The following AMHR2 variants were observed in gnomAD, a reference collection of about 807,000 sequenced individuals.
AMHR2 encodes anti-Muellerian hormone type-2 receptor.
Under a neutral mutation model 61.4 loss-of-function variants are expected in AMHR2, and 36 were observed. That is an observed-to-expected ratio of 0.59 (90% CI 0.45 to 0.77). The LOEUF (loss-of-function observed/expected upper bound fraction) is 0.77, where lower values mean the gene tolerates loss of function less well. Among genes scored for constraint, AMHR2 ranks in the 30% least tolerant of loss-of-function variants. The probability of loss-of-function intolerance (pLI) is 0.00; values close to 1 mark genes in which losing one functional copy is unlikely to be tolerated. For missense variants in AMHR2, 638 were observed against 714.6 expected (o/e 0.89, Z 1.22); for synonymous variants, 258 against 279.4 (o/e 0.92, Z 0.76).
Position 53,424,467 on chromosome 12 carries a change from C to A in AMHR2, c.229C>A (p.Gln77Lys). The A allele has an allele frequency of 6.2e-7, 1 of 1,612,496 alleles. No individual in the cohort carries two copies. The highest frequency in any genetic ancestry group is 8.5e-7 in the Non-Finnish European group (1 of 1,179,362). The change falls in exon 2 of 11, where the codon CAA becomes AAA. Residue 77 changes from glutamine (Q) to lysine (K), a missense_variant. By Grantham distance (53) the Gln-to-Lys change is moderately conservative (BLOSUM62 1). Coordinates refer to ENST00000257863, the MANE Select transcript of AMHR2 (RefSeq NM_020547.3). The part of the protein sequence containing the change: ...LTQDRAQVEM[Q>K]GCRDSDEPGC... ...CCAAGACCGGGCACAGGTGGAAATG[C>A]AAGGTGAATGGCAAAGTATATGGCA...
rs1939280178 is a variant in AMHR2, at chr12:53,423,900, C to A, written c.-35C>A. 6.2e-7 allele frequency: 1 copy of A among 1,613,262 alleles called. No homozygotes were observed. The highest frequency in any genetic ancestry group is 2.2e-5 in the East Asian group (1 of 44,872). On this transcript the variant is annotated 5_prime_UTR_variant, in exon 1 of 11. Transcript: ENST00000257863. ...CCAGGGGCAGCTGTGCTGGCTTATG[C>A]TCTTCTCCTTCTGCTGCTGCCATCC...
intron 6 of AMHR2, among the ~76,000 whole-genome samples, chr12:53,428,247 G>A (rs1035631046): frequency 2.4e-4 from 36 of 152,238 alleles, no homozygotes; most frequent in Admixed American, 2.0e-3. Flanking sequence ...AACACAGTTC[G>A]TGGCCACCGA....
At position 53,425,500 on chromosome 12, in the gene AMHR2, C is replaced by T; in HGVS notation, c.548C>T (p.Pro183Leu). Residue 183 changes from proline (P) to leucine (L), a missense_variant, in exon 5 of 11, where the codon CCA becomes CTA. Coordinates refer to ENST00000257863, the MANE Select transcript of AMHR2 (RefSeq NM_020547.3). Reference sequence around the variant, plus strand: ...TACAGAGTGCGAGGTGAGCCAGTGCCAGAGCCAAGGCCAGACTCAGGCAGG... The same window carrying T: ...TACAGAGTGCGAGGTGAGCCAGTGCTAGAGCCAAGGCCAGACTCAGGCAGG... Reference protein sequence around the residue: ...KNYRVRGEPVPEPRPDSGRDW... With the variant: ...KNYRVRGEPVLEPRPDSGRDW... 1 of 1,614,072 alleles carries T rather than the reference C, an allele frequency of 6.2e-7. No homozygotes were observed. The highest frequency in any genetic ancestry group is 8.5e-7 in the Non-Finnish European group (1 of 1,180,032).
chr12:53,429,047 A>G lies in AMHR2; in HGVS notation c.967+37A>G, dbSNP rs369180782. The G allele has an allele frequency of 5.7e-5, 86 of 1,496,110 alleles. No individual in the cohort carries two copies. The Middle Eastern group carries it at 2.3e-3, about 41-fold the overall frequency. 92.7% of individuals were successfully genotyped at this position (1,496,110 alleles called of 1,614,324 possible). A position where few individuals can be genotyped will look rare whatever the true frequency, so the allele number is the denominator to read the frequency against. On this transcript the variant is annotated intron_variant, in intron 7 of 10. Transcript: ENST00000257863. Reference sequence around the variant, plus strand: ...GGGCATAGGAAGTCAAGGGAGCCACAGTGCTATGTTTGTGATTCTGCCTTA... The same window carrying G: ...GGGCATAGGAAGTCAAGGGAGCCACGGTGCTATGTTTGTGATTCTGCCTTA...
In AMHR2 at chr12:53,425,868, T is replaced by C. The variant is rs2136949915; in HGVS notation, c.801T>C (p.Gly267=). ...GATTTATCACTGCCAGCCGGGGGGG[T>C]CCTGGCCGCCTGCTCTCTGGGCCCC... The part of the protein sequence containing the change: ...IVRFITASRG[G]PGRLLSGPLL... Residue 267 remains glycine, a synonymous_variant, in exon 6 of 11, where the codon GGT becomes GGC. Transcript: ENST00000257863. 6.2e-7 allele frequency: 1 copy of C among 1,613,044 alleles called. No homozygotes were observed. Among genetic ancestry groups the C allele is most frequent in the Non-Finnish European group, 8.5e-7 (1 of 1,179,778 alleles).
chr12:53,424,036 G>T (rs1939296969), intron 1 of AMHR2, 53 bp downstream of exon 1: 1 of 1,605,792 alleles, frequency 6.2e-7, no homozygotes, highest in African/African-American at 1.3e-5. Flanking sequence ...GCAAGGGAAA[G>T]GGGCGCTTGA....
chr12:53,429,253 G>A (rs1939891919), intron 7 of AMHR2, among the ~76,000 whole-genome samples, 200 bp from the exon 8 acceptor site: 2 of 152,060 alleles, frequency 1.3e-5, no homozygotes, highest in Non-Finnish European at 2.9e-5. Flanking sequence ...TTAGCCGGGC[G>A]TGGTGGCATG....
chr12:53,425,459 G>C lies in AMHR2; in HGVS notation c.507G>C (p.Leu169=), dbSNP rs35355410. The C allele has an allele frequency of 3.6e-4, 581 of 1,613,862 alleles. No individual in the cohort carries two copies. Among genetic ancestry groups the C allele is most frequent in the Non-Finnish European group, 4.7e-4 (554 of 1,180,020 alleles). Reference sequence around the variant, plus strand: ...TAAGGCTCTTGTCTGTTCCAGCCCTGCTACAGCGAAAGAACTACAGAGTGC... The same window carrying C: ...TAAGGCTCTTGTCTGTTCCAGCCCTCCTACAGCGAAAGAACTACAGAGTGC... ...LLLLGSIILA[L]LQRKNYRVRG... is the part of the protein sequence containing the mutation. The change falls in exon 5 of 11, where the codon CTG becomes CTC. Residue 169 remains leucine, a synonymous_variant. Transcript: ENST00000257863.
chr12:53,425,892 C>T lies in AMHR2; in HGVS notation c.825C>T (p.Pro275=), dbSNP rs761223361. ...RGGPGRLLSG[P]LLVLELHPKG... ...GTCCTGGCCGCCTGCTCTCTGGGCC[C>T]CTGCTGGTACTGGAACTGCATCCCA... is the stretch of plus-strand genomic sequence containing the variant. The change falls in exon 6 of 11, where the codon CCC becomes CCT. Residue 275 remains proline, a synonymous_variant. Coordinates refer to ENST00000257863, the MANE Select transcript of AMHR2 (RefSeq NM_020547.3). The T allele has an allele frequency of 3.5e-5, 56 of 1,613,874 alleles. No homozygotes were observed. The highest frequency in any genetic ancestry group is 4.4e-5 in the Non-Finnish European group (52 of 1,180,014).
chr12:53,429,391 CAA>C (rs56681678), intron 7 of AMHR2, 60 bp from the exon 8 acceptor site: 2,488 of 1,328,052 alleles, frequency 1.9e-3, no homozygotes, highest in Admixed American at 2.2e-3. Flanking sequence ...GACGCCGACT[CAA>C]AAAAAAAAAA....
Position 53,429,467 on chromosome 12 carries a change from G to T in AMHR2, c.982G>T (p.Gly328Cys). The change falls in exon 8 of 11, where the codon GGT (glycine) becomes TGT (cysteine). Residue 328 changes from glycine (G) to cysteine (C), a missense_variant. Gly to Cys is a radical substitution (Grantham distance 159, BLOSUM62 -3). Coordinates refer to ENST00000257863, the MANE Select transcript of AMHR2 (RefSeq NM_020547.3). ...ERWQNGQYKP[G>C]IAHRDLSSQN... is the part of the protein sequence containing the mutation. ...TTCCCCCACAGGCCAATATAAACCAGGTATTGCCCACCGAGATCTGAGCAG... is the reference window on the plus strand; with the variant it reads ...TTCCCCCACAGGCCAATATAAACCATGTATTGCCCACCGAGATCTGAGCAG... 6.3e-7 allele frequency: 1 copy of T among 1,598,620 alleles called. No homozygotes were observed. Among genetic ancestry groups the T allele is most frequent in the Non-Finnish European group, 8.5e-7 (1 of 1,173,856 alleles).
chr12:53,428,992 G>A lies in AMHR2; in HGVS notation c.949G>A (p.Glu317Lys), dbSNP rs963957172. 4.5e-6 allele frequency: 7 copies of A among 1,551,228 alleles called. No homozygotes were observed. In the African/African-American group the frequency reaches 9.6e-5, roughly 21 times the overall value. ...SLAQGLAFLH[E>K]ERWQNGQYKP... is the part of the protein sequence containing the mutation. ...GGCCCAGGGCCTGGCATTTCTCCAT[G>A]AGGAGCGCTGGCAGAATGGTGGGTG... is the stretch of plus-strand genomic sequence containing the variant. Residue 317 changes from glutamate (E) to lysine (K), a missense_variant, in exon 7 of 11, where the codon GAG (glutamate) becomes AAG (lysine). Coordinates refer to ENST00000257863, the MANE Select transcript of AMHR2 (RefSeq NM_020547.3).
rs1381777011 is a variant in AMHR2, at chr12:53,428,906, G to A, written c.863G>A (p.Cys288Tyr). The change falls in exon 7 of 11, where the codon TGC (cysteine) becomes TAC (tyrosine). Residue 288 changes from cysteine to tyrosine, a missense_variant. By Grantham distance (194) the Cys-to-Tyr change is radical. Transcript: ENST00000257863. ...VLELHPKGSL[C>Y]HYLTQYTSDW... ...TCTGCGTTTCCCCAGGGCTCCCTGTGCCACTACTTGACCCAGTACACCAGT... is the reference window on the plus strand; with the variant it reads ...TCTGCGTTTCCCCAGGGCTCCCTGTACCACTACTTGACCCAGTACACCAGT... 1.2e-5 allele frequency: 18 copies of A among 1,551,434 alleles called. No homozygotes were observed. The highest frequency in any genetic ancestry group is 1.5e-5 in the Non-Finnish European group (17 of 1,146,898).
At position 53,431,046 on chromosome 12, in the gene AMHR2, G is replaced by A. The variant is rs774407698; in HGVS notation, c.1426-131G>A. ...GGCTGGAATTCAGCAAGAGGGAGAG[G>A]AGGGAGGCTCCAGGAAAGATCAGAA... On this transcript the variant is annotated intron_variant, in intron 10 of 10. Transcript: ENST00000257863. 8.1e-5 allele frequency: 95 copies of A among 1,176,700 alleles called. 1 individual carries two copies. In the Middle Eastern group the frequency reaches 1.1e-3, roughly 14 times the overall value. 72.9% of individuals were successfully genotyped at this position (1,176,700 alleles called of 1,614,324 possible).
At chr12:53,427,324 A>AAT (rs1939701528) in intron 6 of AMHR2, among the ~76,000 whole-genome samples, 1 of 152,200 alleles carries the variant, frequency 6.6e-6, no homozygotes, top group Non-Finnish European at 1.5e-5. Context: ...GGGCCTGTTA[A>AAT]ATATTTGGGG....
At chr12:53,430,006 C>T in intron 9 of AMHR2, 28 bp downstream of exon 9, 3 of 1,614,204 alleles carry the variant, frequency 1.9e-6, no homozygotes, top group Admixed American at 3.3e-5. Flanking sequence ...AGTCCCCTCT[C>T]CTGGGCTCCC....
Position 53,429,442 on chromosome 12 carries a change from T to G in AMHR2, c.968-11T>G, listed in dbSNP as rs201411677. On this transcript the variant is annotated splice_polypyrimidine_tract_variant and intron_variant, in intron 7 of 10. Transcript: ENST00000257863. ...AAATCCATGTTCCTTCAACCTTGGATTCCCCCACAGGCCAATATAAACCAG... is the reference window on the plus strand; with the variant it reads ...AAATCCATGTTCCTTCAACCTTGGAGTCCCCCACAGGCCAATATAAACCAG... The G allele has an allele frequency of 5.0e-6, 8 of 1,608,556 alleles. No homozygotes were observed. The highest frequency in any genetic ancestry group is 6.8e-6 in the Non-Finnish European group (8 of 1,179,220).
rs1236048340 is a variant in AMHR2 at position 53,425,465 on chromosome 12, G to A, written c.513G>A (p.Gln171=). ...TCTTGTCTGTTCCAGCCCTGCTACA[G>A]CGAAAGAACTACAGAGTGCGAGGTG... is the stretch of plus-strand genomic sequence containing the variant. The part of the protein sequence containing the change: ...LLGSIILALL[Q]RKNYRVRGEP... The change falls in exon 5 of 11, where the codon CAG becomes CAA. Residue 171 remains glutamine (Q), a synonymous_variant. Transcript: ENST00000257863. The A allele has an allele frequency of 6.2e-7, 1 of 1,613,926 alleles. No homozygotes were observed. Among genetic ancestry groups the A allele is most frequent in the Admixed American group, 1.7e-5 (1 of 60,024 alleles).
intron 6 of AMHR2, among the ~76,000 whole-genome samples, chr12:53,427,275 A>G (rs1403120947): frequency 6.6e-6 from 1 of 152,234 alleles, no homozygotes; most frequent in Non-Finnish European, 1.5e-5. Context: ...CAACAAGAAG[A>G]GGAAAAGGTA....
Sources: gnomAD v4.1 joint callset for allele counts (sites outside exome capture counted in the v4.1 genomes callset) on GRCh38, gnomAD v4.1.1 for gene constraint, MANE v1.5 for transcripts, NCBI Gene and HGNC (gene_info 2026-07-23, HGNC 2026-07-21) for gene names.